BDNF: variants seen among roughly 807,000 people sequenced by gnomAD.
The protein encoded by BDNF is brain derived neurotrophic factor.
A neutral mutation model predicts 19.5 loss-of-function variants in BDNF; 1 was observed. That is an observed-to-expected ratio of 0.05 (90% CI 0.02 to 0.24). The LOEUF (loss-of-function observed/expected upper bound fraction) is 0.24. Among genes scored for constraint, BDNF ranks in the 10% least tolerant of loss-of-function variants. The pLI is 1.00. For missense variants in BDNF, 195 were observed against 317.6 expected, an observed-to-expected ratio of 0.61 and a Z score of 2.93; for synonymous variants, 100 against 121.6, an observed-to-expected ratio of 0.82 and a Z score of 1.17.
chr11:27,701,450 CCTT>C (rs1187592626), upstream of BDNF: 12 of 1,005,106 alleles, frequency 1.2e-5, no homozygotes, highest in Non-Finnish European at 1.4e-5. Flanking sequence ...GGTATGTACT[CCTT>C]CTGTTCTGCA....
chr11:27,720,141 C>G (rs1185241441), intron 1 of BDNF, among the ~76,000 whole-genome samples: 2 of 152,154 alleles, frequency 1.3e-5, no homozygotes, highest in Non-Finnish European at 2.9e-5. Context: ...ATTATATCCG[C>G]AGGAAGACTG....
At chr11:27,709,918 T>C (rs1017061866) in intron 1 of BDNF, among the ~76,000 whole-genome samples, 10 of 152,234 alleles carry the variant, frequency 6.6e-5, no homozygotes, top group African/African-American at 2.4e-4. Context: ...ATTTGTAAGG[T>C]ACTTTTTCTA....
upstream of BDNF, chr11:27,700,543 C>CCCCGCT: frequency 2.4e-6 from 2 of 839,774 alleles, no homozygotes; most frequent in Non-Finnish European, 2.9e-6. Context: ...CGCCCCCCGC[C>CCCCGCT]CCCCGCTCCC....
At chr11:27,698,226 C>CAAAAAAAGAAAAAAAAAAAAAAA (rs1859384637) in intron 1 of BDNF, 1 of 80,784 alleles carries the variant, frequency 1.2e-5, no homozygotes, top group Non-Finnish European at 2.4e-5. Context: ...GTAAATTTCC[C>CAAAAAAAGAAAAAAAAAAAAAAA]AAAAAAAAAA....
chr11:27,677,580 T>G (rs886756682), intron 1 of BDNF: 1 of 151,610 alleles, frequency 6.6e-6, no homozygotes, highest in Non-Finnish European at 1.5e-5. Context: ...TAGTACATAC[T>G]CATATTTACC....
At chr11:27,678,750 C>A (rs536090304) in intron 1 of BDNF, among the ~76,000 whole-genome samples, 1 of 152,220 alleles carries the variant, frequency 6.6e-6, no homozygotes, top group Non-Finnish European at 1.5e-5. Context: ...CCTAGAGGAC[C>A]TTTTACCCCC....
At chr11:27,706,728 G>T (rs1165628761) in intron 1 of BDNF, among the ~76,000 whole-genome samples, 2 of 152,192 alleles carry the variant, frequency 1.3e-5, no homozygotes, top group Non-Finnish European at 2.9e-5. Flanking sequence ...AAACACAGGA[G>T]TCATGAATTA....
intron 1 of BDNF, among the ~76,000 whole-genome samples, chr11:27,712,963 A>G (rs1438119491): frequency 1.4e-5 from 2 of 143,274 alleles, no homozygotes. Context: ...GCTGGAGTGC[A>G]ATGGCATGAT....
chr11:27,696,007 C>T lies in BDNF; in HGVS notation c.-22+4157G>A, dbSNP rs562970081. 3.0e-3 allele frequency among the ~76,000 whole-genome samples: 454 copies of T among 152,158 alleles called. 2 individuals are homozygous for T. Among genetic ancestry groups the T allele is most frequent in the Non-Finnish European group, 5.2e-3 (353 of 67,988 alleles). ...AAAGAACACACACATTTACCACTCCCCCTCCTCTCCCCTGCAAAAGGTTTT... is the reference window on the plus strand; with the variant it reads ...AAAGAACACACACATTTACCACTCCTCCTCCTCTCCCCTGCAAAAGGTTTT... On this transcript the variant is annotated intron_variant, in intron 1 of 1. Transcript: ENST00000356660.
At chr11:27,677,464 T>C (rs1193675209) in intron 1 of BDNF, 3 of 137,782 alleles carry the variant, frequency 2.2e-5, no homozygotes, top group African/African-American at 8.3e-5. Flanking sequence ...TGGGGGAAAA[T>C]GGTGGAGCTT....
chr11:27,718,269 A>G (rs1860593196), intron 1 of BDNF, among the ~76,000 whole-genome samples: 1 of 151,918 alleles, frequency 6.6e-6, no homozygotes, highest in South Asian at 2.1e-4. Context: ...GAAAAAAATA[A>G]TAATTCCGGC....
At chr11:27,660,111 T>C in intron 1 of BDNF, 2 of 873,532 alleles carry the variant, frequency 2.3e-6, no homozygotes, top group Non-Finnish European at 2.9e-6. Flanking sequence ...GAAAAGGAAC[T>C]GTGTTTCTGC....
At chr11:27,706,254 T>C (rs1044006445) in intron 1 of BDNF, among the ~76,000 whole-genome samples, 2 of 152,186 alleles carry the variant, frequency 1.3e-5, no homozygotes, top group African/African-American at 4.8e-5. Flanking sequence ...GCAAATAATT[T>C]TTCTAAATAT....
At chr11:27,688,772 C>G (rs553846916) in intron 1 of BDNF, among the ~76,000 whole-genome samples, 21 of 152,288 alleles carry the variant, frequency 1.4e-4, no homozygotes, top group Admixed American at 1.3e-4. Context: ...GAGATGAGCC[C>G]GGTACCTCAG....
At chr11:27,693,995 GT>G (rs1039202855) in intron 1 of BDNF, among the ~76,000 whole-genome samples, 6 of 151,772 alleles carry the variant, frequency 4.0e-5, no homozygotes, top group Non-Finnish European at 7.4e-5. Context: ...GAAAAAGAAA[GT>G]TTTCTGCACC....
At chr11:27,670,037 CAT>C (rs1855078468) in intron 1 of BDNF, among the ~76,000 whole-genome samples, 1 of 152,210 alleles carries the variant, frequency 6.6e-6, no homozygotes, top group Admixed American at 6.5e-5. Flanking sequence ...ACCAAAACAG[CAT>C]GGTACTGGTA....
intron 1 of BDNF, chr11:27,677,684 G>A (rs1287866127): frequency 6.6e-6 from 1 of 152,208 alleles, no homozygotes; most frequent in Non-Finnish European, 1.5e-5. Flanking sequence ...ACTGAGGTGA[G>A]CAGGGTATAA....
chr11:27,688,071 C>T (rs886772520), intron 1 of BDNF, among the ~76,000 whole-genome samples: 1 of 152,230 alleles, frequency 6.6e-6, no homozygotes, highest in Non-Finnish European at 1.5e-5. Context: ...AAGCCCCTGA[C>T]TGGGGCTGCT....
At chr11:27,678,274 C>T (rs1031898433) in intron 1 of BDNF, among the ~76,000 whole-genome samples, 6 of 152,144 alleles carry the variant, frequency 3.9e-5, no homozygotes, top group African/African-American at 1.4e-4. Flanking sequence ...AAGGTCAACC[C>T]TACAAACAGC....
Sources: allele counts gnomAD v4.1 joint callset (sites outside exome capture counted in the v4.1 genomes callset), GRCh38; gene constraint gnomAD v4.1.1; transcripts MANE v1.5; gene names NCBI Gene and HGNC (gene_info 2026-07-23, HGNC 2026-07-21).